The following EFCAB6 variants were observed in gnomAD, a reference collection of about 807,000 sequenced individuals.
The protein encoded by EFCAB6 is EF-hand calcium binding domain 6, also known as EF-hand calcium-binding domain-containing protein 6.
Under a neutral mutation model 169.8 loss-of-function variants are expected in EFCAB6, and 156 were observed. The ratio of observed to expected loss-of-function variants is 0.92; its 90% CI spans 0.81 to 1.05. EFCAB6 has a LOEUF of 1.05. Among genes scored for constraint, EFCAB6 ranks in the 50% least tolerant of loss-of-function variants. The pLI is 0.00. For missense variants in EFCAB6, 1,800 were observed against 1,829.1 expected (o/e 0.98, Z 0.29); for synonymous variants, 698 against 676.4 (o/e 1.03, Z -0.50).
At chr22:43,591,684 A>G (rs1157962897) in intron 23 of EFCAB6, among the ~76,000 whole-genome samples, 1 of 152,148 alleles carries the variant, frequency 6.6e-6, no homozygotes, top group African/African-American at 2.4e-5. Flanking sequence ...ACAGTGAGGG[A>G]GACAGAGACA....
At chr22:43,672,736 G>A (rs2057547190) in intron 13 of EFCAB6, among the ~76,000 whole-genome samples, 1 of 152,104 alleles carries the variant, frequency 6.6e-6, no homozygotes, top group Non-Finnish European at 1.5e-5. Context: ...AGGTTGGGAG[G>A]AGAGAGAGGA....
rs569528420 is a variant in EFCAB6 at position 43,672,097 on chromosome 22, G to A, written c.1516C>T (p.Leu506=). ...CGTAGCATGTTATAAAAAGCTTGTA[G>A]GTTCCTAGTAATTGTATCATGAACA... The part of the protein sequence containing the change: ...EIVHDTITRN[L]QAFYNMLRSY... Residue 506 remains leucine (L), a synonymous_variant, in exon 15 of 32, where the codon CTA becomes TTA. Coordinates refer to ENST00000262726, the MANE Select transcript of EFCAB6 (RefSeq NM_022785.4). 6.2e-7 allele frequency: 1 copy of A among 1,613,752 alleles called. No homozygotes were observed. Among genetic ancestry groups the A allele is most frequent in the Non-Finnish European group, 8.5e-7 (1 of 1,179,934 alleles).
chr22:43,746,702 G>C (rs2060576503), intron 6 of EFCAB6, among the ~76,000 whole-genome samples: 2 of 152,144 alleles, frequency 1.3e-5, no homozygotes, highest in Admixed American at 6.5e-5. Flanking sequence ...CTTGAGGCTA[G>C]GAGTTCAAGA....
intron 23 of EFCAB6, among the ~76,000 whole-genome samples, chr22:43,591,711 C>T (rs1318497998): frequency 6.6e-6 from 1 of 152,144 alleles, no homozygotes; most frequent in South Asian, 2.1e-4. Context: ...TTCTGTCGCT[C>T]CCAGCTTCAG....
intron 30 of EFCAB6, among the ~76,000 whole-genome samples, chr22:43,532,653 A>G (rs1324143759): frequency 6.6e-6 from 1 of 151,924 alleles, no homozygotes; most frequent in African/African-American, 2.4e-5. Context: ...ACTAGAAGCT[A>G]GGCTAAGATG....
chr22:43,763,671 T>C (rs750931239), intron 5 of EFCAB6, among the ~76,000 whole-genome samples: 2 of 152,240 alleles, frequency 1.3e-5, no homozygotes, highest in Non-Finnish European at 2.9e-5. Context: ...ATTTTGTTTA[T>C]ATTAAATACA....
At position 43,548,013 on chromosome 22, in the gene EFCAB6, G is replaced by A. The variant is rs565093019; in HGVS notation, c.3648+6856C>T. Among the ~76,000 whole-genome samples, 794 of 151,032 alleles carry A rather than the reference G, an allele frequency of 5.3e-3. 4 individuals carry two copies. The highest frequency in any genetic ancestry group is 0.043 in the Middle Eastern group (12 of 280). Reference sequence around the variant, plus strand: ...TGGGAGGCTGAGGCAGGAGAATGGCGTGAACCCAGGAGGCGGAACTTTCAG... The same window carrying A: ...TGGGAGGCTGAGGCAGGAGAATGGCATGAACCCAGGAGGCGGAACTTTCAG... On this transcript the variant is annotated intron_variant, in intron 27 of 31. Transcript: ENST00000262726.
chr22:43,753,307 C>T (rs1172417634), intron 6 of EFCAB6, among the ~76,000 whole-genome samples: 2 of 152,158 alleles, frequency 1.3e-5, no homozygotes, highest in Non-Finnish European at 2.9e-5. Context: ...GTGGCCAAAA[C>T]GAAAAGCAAG....
chr22:43,764,826 A>G (rs1180473627), intron 5 of EFCAB6, among the ~76,000 whole-genome samples: 1 of 152,196 alleles, frequency 6.6e-6, no homozygotes, highest in Non-Finnish European at 1.5e-5. Context: ...TTGCAAAAAA[A>G]AAAGAGTCCC....
intron 24 of EFCAB6, among the ~76,000 whole-genome samples, chr22:43,584,965 C>A (rs1334894963): frequency 1.3e-5 from 2 of 152,172 alleles, no homozygotes; most frequent in Non-Finnish European, 2.9e-5. Flanking sequence ...ATAGCTACAG[C>A]AAACATTAAA....
intron 17 of EFCAB6, among the ~76,000 whole-genome samples, chr22:43,655,186 G>A (rs2056674861): frequency 1.3e-5 from 2 of 152,180 alleles, no homozygotes; most frequent in Non-Finnish European, 2.9e-5. Flanking sequence ...AAACCTGGGA[G>A]GCGGAGGTTG....
intron 10 of EFCAB6, among the ~76,000 whole-genome samples, chr22:43,710,036 T>C (rs887489254): frequency 2.0e-5 from 3 of 152,208 alleles, no homozygotes; most frequent in Non-Finnish European, 4.4e-5. Context: ...AAGGCACCTA[T>C]CAATTACCCA....
At chr22:43,636,383 T>C (rs2055398018) in intron 17 of EFCAB6, among the ~76,000 whole-genome samples, 2 of 152,138 alleles carry the variant, frequency 1.3e-5, no homozygotes, top group Admixed American at 6.5e-5. Flanking sequence ...GCCCTCATCA[T>C]GGTCACTGCG....
intron 22 of EFCAB6, 51 bp downstream of exon 22, chr22:43,608,431 G>A (rs770803837): frequency 2.0e-6 from 3 of 1,525,216 alleles, no homozygotes; most frequent in Non-Finnish European, 2.7e-6. Flanking sequence ...GCCACAGCAA[G>A]CACCCCTAGT....
intron 2 of EFCAB6, among the ~76,000 whole-genome samples, chr22:43,800,458 G>T (rs2062669292): frequency 6.6e-6 from 1 of 152,202 alleles, no homozygotes; most frequent in Admixed American, 6.5e-5. Flanking sequence ...AGAGAATCAT[G>T]ATTTCCCCAA....
At chr22:43,750,724 ATGG>A (rs1298081075) in intron 6 of EFCAB6, among the ~76,000 whole-genome samples, 2 of 152,194 alleles carry the variant, frequency 1.3e-5, no homozygotes, top group African/African-American at 4.8e-5. Flanking sequence ...TGTTTATGAA[ATGG>A]TGGTGATTCT....
rs530143406 is a variant in EFCAB6, at chr22:43,576,054, C to A, written c.3420+243G>T. On this transcript the variant is annotated intron_variant, in intron 26 of 31. Transcript: ENST00000262726. ...AGAATGCTAAATCAACCAGAGAAAACAAGCTCCCAAACCTCTTTGAAAATT... is the reference window on the plus strand; with the variant it reads ...AGAATGCTAAATCAACCAGAGAAAAAAAGCTCCCAAACCTCTTTGAAAATT... Among the ~76,000 whole-genome samples, 14 of 152,228 alleles carry A rather than the reference C, an allele frequency of 9.2e-5. 1 individual carries two copies. In the South Asian group the frequency reaches 2.9e-3, roughly 32 times the overall value.
chr22:43,531,326 C>T (rs2047053533), intron 30 of EFCAB6, among the ~76,000 whole-genome samples: 2 of 152,084 alleles, frequency 1.3e-5, no homozygotes, highest in Non-Finnish European at 2.9e-5. Context: ...GGCCACACCA[C>T]CTCCCAGGGA....
intron 5 of EFCAB6, among the ~76,000 whole-genome samples, chr22:43,762,651 G>T (rs536516928): frequency 7.4e-4 from 112 of 152,266 alleles, no homozygotes; most frequent in Admixed American, 1.8e-3. Flanking sequence ...TCTGCTTCAC[G>T]AGTAAATCAG....
Sources: allele counts gnomAD v4.1 joint callset (sites outside exome capture counted in the v4.1 genomes callset), GRCh38; gene constraint gnomAD v4.1.1; transcripts MANE v1.5; gene names NCBI Gene and HGNC (gene_info 2026-07-23, HGNC 2026-07-21).